The following DHX29 variants were observed in gnomAD, a reference collection of about 807,000 sequenced individuals.
The protein encoded by DHX29 is ATP-dependent RNA helicase DHX29.
Under a neutral mutation model 167.9 loss-of-function variants are expected in DHX29, and 79 were observed. The ratio of observed to expected loss-of-function variants is 0.47; its 90% CI spans 0.39 to 0.57. The LOEUF (loss-of-function observed/expected upper bound fraction) is 0.57. Ranked by LOEUF, DHX29 falls within the 20% of genes least tolerant of loss-of-function variation. DHX29 has a pLI of 0.00. For synonymous variants in DHX29, 530 were observed against 546.0 expected (o/e 0.97, Z 0.41); for missense variants, 1,347 against 1,593.4 (o/e 0.85, Z 2.63).
At chr5:55,267,597 T>C in intron 22 of DHX29, 89 bp downstream of exon 22, 1 of 1,208,424 alleles carries the variant, frequency 8.3e-7, no homozygotes, top group Non-Finnish European at 1.1e-6. Flanking sequence ...ACCTCAGAAG[T>C]ACAATTTTAA....
chr5:55,285,439 T>TA, intron 9 of DHX29, 23 bp from the exon 10 acceptor site: 1 of 1,569,890 alleles, frequency 6.4e-7, no homozygotes, highest in South Asian at 1.2e-5. Flanking sequence ...AAACGCATTT[T>TA]AAAAAAATAA....
Position 55,262,843 on chromosome 5 carries a change from T to C in DHX29, c.3615A>G (p.Ser1205=), listed in dbSNP as rs1424613679. 1.2e-6 allele frequency: 2 copies of C among 1,614,010 alleles called. No homozygotes were observed. The highest frequency in any genetic ancestry group is 1.7e-6 in the Non-Finnish European group (2 of 1,179,968). Residue 1205 remains serine, a synonymous_variant, in exon 24 of 27, where the codon TCA becomes TCG. Transcript: ENST00000251636. ...CAATTTCTTGGAATGAGAGGGTCTG[T>C]GAGGCTCTGTTTCCTTCCCAGCTGG... ...TSTSWEGNRA[S]QTLSFQEIAL... is the part of the protein sequence containing the mutation.
chr5:55,303,071 CACAG>C (rs1450232604), intron 1 of DHX29, among the ~76,000 whole-genome samples: 12 of 151,640 alleles, frequency 7.9e-5, no homozygotes, highest in South Asian at 2.1e-4. Context: ...AAAGTTGAAG[CACAG>C]ACAAACTGAT....
intron 2 of DHX29, 54 bp downstream of exon 2, chr5:55,298,537 G>T: frequency 9.2e-7 from 1 of 1,081,564 alleles, no homozygotes; most frequent in Non-Finnish European, 1.4e-6. Context: ...ATCTTTTTTG[G>T]GGGAAAAAAG....
chr5:55,284,533 G>T (rs1052071946), intron 10 of DHX29, among the ~76,000 whole-genome samples: 3 of 152,120 alleles, frequency 2.0e-5, no homozygotes, highest in East Asian at 3.9e-4. Context: ...AATAGGAAAA[G>T]AACTACTGTC....
chr5:55,270,801 G>T, intron 18 of DHX29, 95 bp from the exon 19 acceptor site: 1 of 900,384 alleles, frequency 1.1e-6, no homozygotes, highest in Non-Finnish European at 1.8e-6. Context: ...GTTAAACACA[G>T]GCTTAAAAAA....
At chr5:55,269,764 G>T in intron 20 of DHX29, 127 bp from the exon 21 acceptor site, 2 of 709,812 alleles carry the variant, frequency 2.8e-6, no homozygotes, top group Non-Finnish European at 4.7e-6. Context: ...GTGAAAGTAG[G>T]GCTATCCTGT....
intron 21 of DHX29, 85 bp downstream of exon 21, chr5:55,269,328 T>G: frequency 4.4e-6 from 6 of 1,365,272 alleles, no homozygotes; most frequent in Non-Finnish European, 6.0e-6. Context: ...TTAAAAAAAT[T>G]TTTACTTAAC....
intron 7 of DHX29, 114 bp from the exon 8 acceptor site, chr5:55,289,542 ATT>A: frequency 1.3e-6 from 1 of 784,590 alleles, no homozygotes; most frequent in Non-Finnish European, 1.8e-6. Flanking sequence ...TTCATGCCTT[ATT>A]TTTTAAAATG....
intron 1 of DHX29, among the ~76,000 whole-genome samples, chr5:55,305,170 T>C (rs924313466): frequency 1.3e-5 from 2 of 152,244 alleles, no homozygotes; most frequent in Non-Finnish European, 2.9e-5. Context: ...AAACATATAA[T>C]TCTTTACATA....
chr5:55,283,977 C>T lies in DHX29; in HGVS notation c.1357-166G>A, dbSNP rs1158304694. 3 of 538,912 alleles carry T rather than the reference C, an allele frequency of 5.6e-6. No homozygotes were observed. In the African/African-American group the frequency reaches 5.8e-5, roughly 10 times the overall value. 33.4% of individuals were successfully genotyped at this position (538,912 alleles called of 1,614,324 possible). A position where few individuals can be genotyped will look rare whatever the true frequency, so the allele number is the denominator to read the frequency against. ...ATGATGCAAATTCAATTGATTAGCA[C>T]TTGATAGCTATATTCATCTTAAAAT... On this transcript the variant is annotated intron_variant, in intron 10 of 26. Coordinates refer to ENST00000251636, the MANE Select transcript of DHX29 (RefSeq NM_019030.4).
intron 9 of DHX29, 84 bp from the exon 10 acceptor site, chr5:55,285,500 CAA>C (rs1561157394): frequency 5.1e-6 from 7 of 1,364,714 alleles, no homozygotes; most frequent in African/African-American, 3.0e-5. Context: ...ACATTAAACT[CAA>C]GTTTGTTAAT....
intron 21 of DHX29, among the ~76,000 whole-genome samples, chr5:55,268,369 CCAAA>C (rs1161621312): frequency 6.6e-6 from 1 of 152,108 alleles, no homozygotes; most frequent in Admixed American, 6.5e-5. Flanking sequence ...ATTTCAAATA[CCAAA>C]CAAAGAGAGA....
chr5:55,262,501 C>T, intron 24 of DHX29, 129 bp downstream of exon 24: 1 of 1,231,360 alleles, frequency 8.1e-7, no homozygotes, highest in Non-Finnish European at 1.1e-6. Context: ...ATCTTGATTT[C>T]AAATATTAAC....
intron 1 of DHX29, among the ~76,000 whole-genome samples, chr5:55,304,659 A>C (rs935311906): frequency 3.6e-4 from 53 of 149,022 alleles, no homozygotes; most frequent in African/African-American, 1.3e-3. Context: ...ACCTCTCCCC[A>C]CCCTCCTCCC....
At chr5:55,291,875 A>G (rs150582708) in intron 6 of DHX29, among the ~76,000 whole-genome samples, 81 of 152,262 alleles carry the variant, frequency 5.3e-4, no homozygotes, top group African/African-American at 1.8e-3. Flanking sequence ...AAGGCTGAAT[A>G]CTATTCAGTT....
chr5:55,297,231 C>T (rs1579816625), intron 3 of DHX29, 54 bp downstream of exon 3: 2 of 775,622 alleles, frequency 2.6e-6, no homozygotes, highest in East Asian at 4.9e-5. Context: ...ACATGAGGAG[C>T]TGTCTAAAAA....
In DHX29 at chr5:55,276,382, C is replaced by G; in HGVS notation, c.2311G>C (p.Glu771Gln). The G allele has an allele frequency of 6.9e-6, 11 of 1,591,312 alleles. No homozygotes were observed. Among genetic ancestry groups the G allele is most frequent in the Non-Finnish European group, 9.4e-6 (11 of 1,173,218 alleles). ...TTTTCCAGTACAAAGCCTGTTTCTT[C>G]TATTATATCTTCAAGATGAAAAACC... The part of the protein sequence containing the change: ...VEVFHLEDII[E>Q]ETGFVLEKDS... The change falls in exon 14 of 27, where the codon GAA (glutamate) becomes CAA (glutamine). Residue 771 changes from glutamate to glutamine, a missense_variant. This residue lies in a region of DHX29 where 882 missense variants were observed against 1,082.4 expected (regional missense o/e 0.81). Transcript: ENST00000251636.
chr5:55,305,919 G>C (rs750342473), intron 1 of DHX29, among the ~76,000 whole-genome samples: 19 of 152,150 alleles, frequency 1.2e-4, no homozygotes, highest in Non-Finnish European at 2.2e-4. Context: ...AAGGGCTTTA[G>C]GAGTGAACTA....
Sources: gnomAD v4.1 joint callset for allele counts (sites outside exome capture counted in the v4.1 genomes callset) on GRCh38, gnomAD v4.1.1 for gene constraint, gnomAD v4.1.1 regional missense constraint, MANE v1.5 for transcripts, NCBI Gene and HGNC (gene_info 2026-07-23, HGNC 2026-07-21) for gene names.